Variants in GHRHR observed in about 807,000 individuals in gnomAD.
GHRHR encodes growth hormone-releasing hormone receptor.
GHRHR carries 40 observed loss-of-function variants against 58.3 expected under a neutral mutation model. That is an observed-to-expected ratio of 0.69 (90% CI 0.53 to 0.89). GHRHR has a LOEUF of 0.89. Ranked by LOEUF, GHRHR falls within the 40% of genes least tolerant of loss-of-function variation. The pLI, the probability that GHRHR is intolerant of heterozygous loss-of-function variation, is 0.00. For missense variants in GHRHR, 551 were observed against 541.3 expected, an observed-to-expected ratio of 1.02 and a Z score of -0.18; for synonymous variants, 249 against 216.6, an observed-to-expected ratio of 1.15 and a Z score of -1.31.
intron 7 of GHRHR, 87 bp from the exon 8 acceptor site, chr7:30,974,342 G>A: frequency 8.7e-7 from 1 of 1,145,732 alleles, no homozygotes; most frequent in South Asian, 1.2e-5. Flanking sequence ...TGCCCTACGT[G>A]GCTGATGGTG....
rs947751765 is a variant in GHRHR at position 30,974,617 on chromosome 7, G to A, written c.812+128G>A. 3.1e-4 allele frequency: 238 copies of A among 764,162 alleles called. 2 individuals carry two copies. Among genetic ancestry groups the A allele is most frequent in the Admixed American group, 7.4e-5 (4 of 53,840 alleles). The allele number at this position is 764,162 out of a possible 1,614,324, so 47.3% of individuals were successfully genotyped here. The stretch of plus-strand genomic sequence containing the variant: ...AGGGACTGCCCGGCTAGGATGGGGG[G>A]TGGGAGAACAGTCTGTGAGTAGCAC... On this transcript the variant is annotated intron_variant, in intron 8 of 12. Transcript: ENST00000326139.
intron 2 of GHRHR, 45 bp from the exon 3 acceptor site, chr7:30,969,018 C>G (rs745733075): frequency 6.5e-7 from 1 of 1,545,702 alleles, no homozygotes; most frequent in Non-Finnish European, 8.9e-7. Flanking sequence ...TTGGGACAGC[C>G]CTGCACCTGG....
intron 1 of GHRHR, among the ~76,000 whole-genome samples, chr7:30,967,928 T>C (rs1792391675): frequency 1.3e-5 from 2 of 152,198 alleles, no homozygotes; most frequent in African/African-American, 4.8e-5. Flanking sequence ...AGAGCTGCAT[T>C]CCTCCTGGAG....
chr7:30,975,807 C>T lies in GHRHR; in HGVS notation c.913C>T (p.Arg305Cys), dbSNP rs867798003. ...VNFGLFLNII[R>C]ILVRKLEPAQ... ...CTTTGGGCTTTTTCTCAATATTATC[C>T]GCATCCTGGTGAGGAAACTGGAGCC... Residue 305 changes from arginine (R) to cysteine (C), a missense_variant, in exon 10 of 13, where the codon CGC becomes TGC. By Grantham distance (180) the Arg-to-Cys change is radical (BLOSUM62 -3). Coordinates refer to ENST00000326139, the MANE Select transcript of GHRHR (RefSeq NM_000823.4). 1.5e-5 allele frequency: 24 copies of T among 1,611,564 alleles called. No individual in the cohort carries two copies. Among genetic ancestry groups the T allele is most frequent in the African/African-American group, 1.3e-4 (10 of 74,840 alleles).
chr7:30,969,009 T>C, intron 2 of GHRHR, 54 bp from the exon 3 acceptor site: 1 of 1,548,064 alleles, frequency 6.5e-7, no homozygotes, highest in Non-Finnish European at 8.9e-7. Flanking sequence ...CTCGGATTAT[T>C]GGGACAGCCC....
chr7:30,963,988 G>A lies in GHRHR; in HGVS notation c.-81G>A, dbSNP rs1792285911. On this transcript the variant is annotated 5_prime_UTR_variant, in exon 1 of 13. Transcript: ENST00000326139. ...GGGAAGCAGAGGGTGCGGTGGAAAC[G>A]GCTGTGTCAGGGGACAGCAGGGGAA... is the stretch of plus-strand genomic sequence containing the variant. The A allele has an allele frequency of 1.5e-5, 19 of 1,304,982 alleles. No homozygotes were observed. The highest frequency in any genetic ancestry group is 5.0e-5 in the South Asian group (4 of 79,528). The allele number at this position is 1,304,982 out of a possible 1,614,324, so 80.8% of individuals were successfully genotyped here.
chr7:30,966,430 A>G (rs1187565620), intron 1 of GHRHR, among the ~76,000 whole-genome samples: 2 of 152,082 alleles, frequency 1.3e-5, no homozygotes, highest in African/African-American at 2.4e-5. Flanking sequence ...GGAGAGAAAC[A>G]TTAGTCCTGA....
intron 9 of GHRHR, among the ~76,000 whole-genome samples, chr7:30,975,527 G>T (rs1386624644): frequency 6.6e-6 from 1 of 152,166 alleles, no homozygotes; most frequent in Non-Finnish European, 1.5e-5. Context: ...GAGGCAGGTG[G>T]CAAGGCCTGA....
rs1348193212 is a variant in GHRHR, at chr7:30,974,099, T to C, written c.712T>C (p.Ser238Pro). 2 of 1,613,956 alleles carry C rather than the reference T, an allele frequency of 1.2e-6. No homozygotes were observed. Among genetic ancestry groups the C allele is most frequent in the Non-Finnish European group, 1.7e-6 (2 of 1,179,986 alleles). ...NCLLASTSPS[S>P]RRAFWWLVLA... ...CCTCCTGGCCTCCACCTCCCCCAGC[T>C]CAAGGAGAGCCTTCTGGTGGCTGGT... is the stretch of plus-strand genomic sequence containing the variant. The change falls in exon 7 of 13, where the codon TCA (serine) becomes CCA (proline). Residue 238 changes from serine to proline, a missense_variant. Transcript: ENST00000326139.
chr7:30,966,391 T>A (rs1481815240), intron 1 of GHRHR, among the ~76,000 whole-genome samples: 2 of 137,154 alleles, frequency 1.5e-5, no homozygotes, highest in Non-Finnish European at 3.1e-5. Flanking sequence ...TGAGGGTGTG[T>A]GTGTGTGGGG....
intron 6 of GHRHR, among the ~76,000 whole-genome samples, 156 bp from the exon 7 acceptor site, chr7:30,973,829 A>G (rs898646767): frequency 6.6e-6 from 1 of 152,154 alleles, no homozygotes; most frequent in East Asian, 1.9e-4. Context: ...CCCTCACTGT[A>G]TATCACCACA....
chr7:30,968,048 C>CT, intron 1 of GHRHR, among the ~76,000 whole-genome samples: 1 of 152,262 alleles, frequency 6.6e-6, no homozygotes, highest in East Asian at 1.9e-4. Context: ...GGCACACATC[C>CT]TCATGTCACC....
intron 8 of GHRHR, 118 bp downstream of exon 8, chr7:30,974,607 A>G: frequency 2.6e-6 from 2 of 783,336 alleles, no homozygotes; most frequent in South Asian, 2.7e-5. Flanking sequence ...CTGCCCGGCT[A>G]GGATGGGGGG....
At chr7:30,968,210 T>C (rs1272505520) in intron 1 of GHRHR, among the ~76,000 whole-genome samples, 4 of 152,196 alleles carry the variant, frequency 2.6e-5, no homozygotes, top group Non-Finnish European at 4.4e-5. Flanking sequence ...TAAGGTAACA[T>C]ATTCACAGGT....
intron 4 of GHRHR, 120 bp from the exon 5 acceptor site, chr7:30,970,999 T>C (rs1792469263): frequency 4.3e-6 from 3 of 704,574 alleles, no homozygotes; most frequent in Non-Finnish European, 7.8e-6. Flanking sequence ...CGGACACCTC[T>C]GCCTCCAGAT....
At position 30,974,487 on chromosome 7, in the gene GHRHR, C is replaced by T. The variant is rs747823161; in HGVS notation, c.810C>T (p.Ile270=). 2.4e-5 allele frequency: 39 copies of T among 1,609,400 alleles called. 1 individual carries two copies. The highest frequency in any genetic ancestry group is 2.2e-5 in the East Asian group (1 of 44,872). ...GCTGCAAACTGGCCTTCGAGGACAT[C>T]GCGTGAGTCGGAGCGGCCACCTTGT... ...WVSCKLAFED[I]ACWDLDDTSP... The change falls in exon 8 of 13, where the codon ATC becomes ATT. Residue 270 remains isoleucine (I), a splice_region_variant and synonymous_variant. Coordinates refer to ENST00000326139, the MANE Select transcript of GHRHR (RefSeq NM_000823.4).
chr7:30,971,954 T>C lies in GHRHR; in HGVS notation c.465-9T>C. 6.2e-7 allele frequency: 1 copy of C among 1,613,644 alleles called. No individual in the cohort carries two copies. The highest frequency in any genetic ancestry group is 8.5e-7 in the Non-Finnish European group (1 of 1,179,694). On this transcript the variant is annotated splice_polypyrimidine_tract_variant and intron_variant, in intron 5 of 12. Coordinates refer to ENST00000326139, the MANE Select transcript of GHRHR (RefSeq NM_000823.4). The stretch of plus-strand genomic sequence containing the variant: ...GCTTCTTGTTCCTCATTTCTCCCAT[T>C]ACCCCCAGGAGGCTCCACTGCCCCC...
chr7:30,979,318 G>A lies in GHRHR; in HGVS notation c.*74G>A. The A allele has an allele frequency of 1.3e-6, 2 of 1,498,938 alleles. No homozygotes were observed. Among genetic ancestry groups the A allele is most frequent in the Non-Finnish European group, 1.8e-6 (2 of 1,091,952 alleles). The allele number at this position is 1,498,938 out of a possible 1,614,324, so 92.9% of individuals were successfully genotyped here. A position where few individuals can be genotyped will look rare whatever the true frequency, so the allele number is the denominator to read the frequency against. ...CACGGGTCTGCCATGCTCTGGAGGA[G>A]CAAGGGGGCCACATCCCCACCCCAG... On this transcript the variant is annotated 3_prime_UTR_variant, in exon 13 of 13. Transcript: ENST00000326139.
rs794727020 is a variant in GHRHR, at chr7:30,976,503, A to G, written c.1049A>G (p.Asp350Gly). ...IHYIIFNFLP[D>G]NAGLGIRLPL... ...TACATCATCTTCAACTTCCTGCCAGACAATGCTGGCCTGGGCATCCGCCTC... is the reference window on the plus strand; with the variant it reads ...TACATCATCTTCAACTTCCTGCCAGGCAATGCTGGCCTGGGCATCCGCCTC... The change falls in exon 11 of 13, where the codon GAC becomes GGC. Residue 350 changes from aspartate to glycine, a missense_variant. Transcript: ENST00000326139. 2.5e-6 allele frequency: 4 copies of G among 1,612,866 alleles called. No individual in the cohort carries two copies. The African/African-American group carries it at 5.3e-5, about 22-fold the overall frequency.
Sources: gnomAD v4.1 joint callset for allele counts (sites outside exome capture counted in the v4.1 genomes callset) on GRCh38, gnomAD v4.1.1 for gene constraint, MANE v1.5 for transcripts, NCBI Gene and HGNC (gene_info 2026-07-23, HGNC 2026-07-21) for gene names.